PTPRK: variants seen among roughly 807,000 people sequenced by gnomAD.
PTPRK encodes the protein protein tyrosine phosphatase receptor type K, also known as receptor-type tyrosine-protein phosphatase kappa.
A neutral mutation model predicts 178.0 loss-of-function variants in PTPRK; 75 were observed. The observed-to-expected ratio is 0.42, with a 90% CI of 0.35 to 0.51. The LOEUF (loss-of-function observed/expected upper bound fraction) is 0.51. PTPRK is among the 20% of genes least tolerant of loss of function. PTPRK has a pLI of 0.02. For synonymous variants in PTPRK, 637 were observed against 620.6 expected, an observed-to-expected ratio of 1.03 and a Z score of -0.39; for missense variants, 1,441 against 1,797.8, an observed-to-expected ratio of 0.80 and a Z score of 3.59.
intron 7 of PTPRK, among the ~76,000 whole-genome samples, chr6:128,110,715 AT>A (rs1562601830): frequency 6.6e-6 from 1 of 152,166 alleles, no homozygotes; most frequent in Admixed American, 6.6e-5. Flanking sequence ...GTTGAAGAAA[AT>A]GATCAAAAAC....
chr6:127,984,527 G>C (rs1775727381), intron 22 of PTPRK, among the ~76,000 whole-genome samples: 2 of 152,162 alleles, frequency 1.3e-5, no homozygotes, highest in African/African-American at 4.8e-5. Flanking sequence ...TGTTTCAAGA[G>C]AGTATCTGAG....
At chr6:128,014,906 T>A (rs1323806666) in intron 13 of PTPRK, among the ~76,000 whole-genome samples, 2 of 151,660 alleles carry the variant, frequency 1.3e-5, no homozygotes, top group African/African-American at 4.8e-5. Context: ...CCAGAGATTT[T>A]ACTGGTGAGA....
chr6:128,481,806 C>T (rs1852120992), intron 1 of PTPRK, among the ~76,000 whole-genome samples: 1 of 152,044 alleles, frequency 6.6e-6, no homozygotes, highest in Non-Finnish European at 1.5e-5. Context: ...TCCAGCAAGA[C>T]ATACATACTT....
At chr6:127,981,915 A>G (rs1775384359) in intron 24 of PTPRK, among the ~76,000 whole-genome samples, 1 of 151,934 alleles carries the variant, frequency 6.6e-6, no homozygotes, top group Non-Finnish European at 1.5e-5. Flanking sequence ...ACAGCCTTCC[A>G]GGGTTAAGCA....
At chr6:128,411,361 G>A (rs1450364326) in intron 1 of PTPRK, among the ~76,000 whole-genome samples, 1 of 152,130 alleles carries the variant, frequency 6.6e-6, no homozygotes, top group Non-Finnish European at 1.5e-5. Context: ...ATGTAAACTA[G>A]TCAACATTAC....
intron 7 of PTPRK, among the ~76,000 whole-genome samples, chr6:128,175,689 T>G (rs375969491): frequency 5.3e-4 from 81 of 151,982 alleles, no homozygotes; most frequent in African/African-American, 1.8e-3. Flanking sequence ...ACAATAGTTT[T>G]GTAAACATTC....
intron 3 of PTPRK, among the ~76,000 whole-genome samples, chr6:128,298,775 C>G (rs531997865): frequency 1.3e-5 from 2 of 152,054 alleles, no homozygotes. Flanking sequence ...ACTGAATGGG[C>G]AAAAACTGGA....
intron 6 of PTPRK, among the ~76,000 whole-genome samples, chr6:128,207,442 T>C (rs1412000799): frequency 1.3e-5 from 2 of 152,196 alleles, no homozygotes; most frequent in African/African-American, 2.4e-5. Flanking sequence ...CAGAATTCAA[T>C]AGTTTTAGGA....
chr6:128,121,120 C>T (rs929039680), intron 7 of PTPRK, among the ~76,000 whole-genome samples: 1 of 151,856 alleles, frequency 6.6e-6, no homozygotes, highest in African/African-American at 2.4e-5. Flanking sequence ...AAAACTATTA[C>T]TATGTAAAAC....
At chr6:128,282,413 T>C (rs1456920839) in intron 3 of PTPRK, among the ~76,000 whole-genome samples, 4 of 152,202 alleles carry the variant, frequency 2.6e-5, no homozygotes, top group African/African-American at 9.6e-5. Flanking sequence ...TCTGAGTTTG[T>C]CACTTGCTGA....
intron 7 of PTPRK, among the ~76,000 whole-genome samples, chr6:128,099,733 G>A (rs1364528142): frequency 6.6e-6 from 1 of 152,016 alleles, no homozygotes; most frequent in South Asian, 2.1e-4. Context: ...AGACAGATAA[G>A]GACTGCAGGG....
Position 127,973,810 on chromosome 6 carries a change from C to T in PTPRK, c.3987G>A (p.Leu1329=), listed in dbSNP as rs1249821387. 6.2e-7 allele frequency: 1 copy of T among 1,613,170 alleles called. No individual in the cohort carries two copies. Among genetic ancestry groups the T allele is most frequent in the Non-Finnish European group, 8.5e-7 (1 of 1,179,288 alleles). The stretch of plus-strand genomic sequence containing the variant: ...CTAGGTACTGAAACTGTTGCACCAT[C>T]AGATAACCTTCCTGTGGCTGTAGAG... ...CNLTRPQEGY[L]MVQQFQYLGW... Residue 1329 remains leucine (L), a synonymous_variant, in exon 28 of 30, where the codon CTG becomes CTA. Transcript: ENST00000368226.
chr6:128,335,078 A>G (rs558899378), intron 2 of PTPRK, among the ~76,000 whole-genome samples: 11 of 152,300 alleles, frequency 7.2e-5, no homozygotes, highest in African/African-American at 2.6e-4. Flanking sequence ...ACAGAGTGAG[A>G]CACTGTCTCA....
chr6:128,371,290 G>A (rs1027019367), intron 2 of PTPRK, among the ~76,000 whole-genome samples: 3 of 152,036 alleles, frequency 2.0e-5, no homozygotes, highest in Admixed American at 6.6e-5. Flanking sequence ...TAAAACAAAC[G>A]GCTACTTCAA....
At chr6:128,134,637 C>T (rs1794744979) in intron 7 of PTPRK, among the ~76,000 whole-genome samples, 1 of 152,076 alleles carries the variant, frequency 6.6e-6, no homozygotes, top group Non-Finnish European at 1.5e-5. Context: ...GTGACAAAAT[C>T]CCATCTCTAC....
At chr6:128,302,248 T>C (rs934219965) in intron 3 of PTPRK, among the ~76,000 whole-genome samples, 2 of 151,222 alleles carry the variant, frequency 1.3e-5, no homozygotes, top group Admixed American at 1.3e-4. Context: ...CAAAATTAGC[T>C]GGGTGTGGTG....
intron 1 of PTPRK, among the ~76,000 whole-genome samples, chr6:128,443,883 C>T (rs996194024): frequency 6.6e-6 from 1 of 152,070 alleles, no homozygotes; most frequent in African/African-American, 2.4e-5. Context: ...GATGGAGTCT[C>T]ACACTGTTGC....
At chr6:128,345,812 T>C (rs1832351739) in intron 2 of PTPRK, among the ~76,000 whole-genome samples, 1 of 152,198 alleles carries the variant, frequency 6.6e-6, no homozygotes, top group Non-Finnish European at 1.5e-5. Context: ...AATGAAACCT[T>C]ACCTGTTATA....
chr6:128,457,212 C>T (rs1200601204), intron 1 of PTPRK, among the ~76,000 whole-genome samples: 1 of 152,220 alleles, frequency 6.6e-6, no homozygotes. Context: ...ATCTAAATAG[C>T]ACAGAATACA....
Sources: allele counts gnomAD v4.1 joint callset (sites outside exome capture counted in the v4.1 genomes callset), GRCh38; gene constraint gnomAD v4.1.1; transcripts MANE v1.5; gene names NCBI Gene and HGNC (gene_info 2026-07-23, HGNC 2026-07-21).